Variants in MVB12B observed in about 807,000 individuals in gnomAD.
The protein encoded by MVB12B is ESCRT-I complex subunit MVB12B.
MVB12B carries 16 observed loss-of-function variants against 41.6 expected under a neutral mutation model. That is an observed-to-expected ratio of 0.38 (90% CI 0.26 to 0.58). The LOEUF is 0.58. Ranked by LOEUF, MVB12B falls within the 20% of genes least tolerant of loss-of-function variation. The probability of loss-of-function intolerance (pLI) is 0.62; values close to 1 mark genes in which losing one functional copy is unlikely to be tolerated. For missense variants in MVB12B, 274 were observed against 380.2 expected, an observed-to-expected ratio of 0.72 and a Z score of 2.32; for synonymous variants, 133 against 139.7, an observed-to-expected ratio of 0.95 and a Z score of 0.34.
At chr9:126,423,745 AG>A in intron 7 of MVB12B, among the ~76,000 whole-genome samples, 2 of 152,352 alleles carry the variant, frequency 1.3e-5, no homozygotes, top group Middle Eastern at 6.8e-3. Flanking sequence ...ACAACTGGGA[AG>A]GCTGCCCGCC....
chr9:126,421,303 C>T (rs1430616617), intron 6 of MVB12B, among the ~76,000 whole-genome samples: 1 of 152,220 alleles, frequency 6.6e-6, no homozygotes, highest in Non-Finnish European at 1.5e-5. Flanking sequence ...AACACACAGA[C>T]ATAGCAGTTG....
intron 8 of MVB12B, among the ~76,000 whole-genome samples, chr9:126,483,628 G>C (rs560494914): frequency 6.6e-6 from 1 of 152,158 alleles, no homozygotes; most frequent in Admixed American, 6.5e-5. Flanking sequence ...CCTTGCCTGC[G>C]TGTTCTGCTG....
At chr9:126,381,627 C>A (rs1044625722) in intron 3 of MVB12B, among the ~76,000 whole-genome samples, 1 of 151,560 alleles carries the variant, frequency 6.6e-6, no homozygotes, top group Non-Finnish European at 1.5e-5. Context: ...TATCACATTT[C>A]GTTATTTTTG....
chr9:126,442,049 A>G (rs975170385), intron 7 of MVB12B, among the ~76,000 whole-genome samples: 1 of 152,156 alleles, frequency 6.6e-6, no homozygotes, highest in African/African-American at 2.4e-5. Context: ...GCCCATAATC[A>G]TCTCCTTGAC....
At chr9:126,489,193 C>T (rs772867181) in intron 9 of MVB12B, among the ~76,000 whole-genome samples, 9 of 152,332 alleles carry the variant, frequency 5.9e-5, no homozygotes, top group Non-Finnish European at 1.2e-4. Context: ...TGCAGGGACC[C>T]TCATGGGCTG....
At chr9:126,396,622 C>CA in intron 6 of MVB12B, 1 of 985,486 alleles carries the variant, frequency 1.0e-6, no homozygotes, top group Non-Finnish European at 1.2e-6. Context: ...TCCTCTGTGC[C>CA]AAGCCTCCGT....
intron 7 of MVB12B, among the ~76,000 whole-genome samples, chr9:126,446,130 A>G (rs1588179229): frequency 6.6e-6 from 1 of 152,028 alleles, no homozygotes; most frequent in Admixed American, 6.5e-5. Context: ...CCCATTCTCT[A>G]TTCCTATTTT....
At chr9:126,371,367 G>T (rs962506875) in intron 2 of MVB12B, among the ~76,000 whole-genome samples, 10 of 152,256 alleles carry the variant, frequency 6.6e-5, no homozygotes, top group African/African-American at 2.2e-4. Flanking sequence ...CCCTGCCTAT[G>T]TGTATCTCCC....
intron 2 of MVB12B, among the ~76,000 whole-genome samples, chr9:126,356,861 C>T (rs1179195595): frequency 6.6e-6 from 1 of 152,052 alleles, no homozygotes; most frequent in South Asian, 2.1e-4. Context: ...CCCACTTCAC[C>T]TTCCTCCATG....
chr9:126,418,323 G>A (rs891158980), intron 6 of MVB12B, among the ~76,000 whole-genome samples: 6 of 152,120 alleles, frequency 3.9e-5, no homozygotes, highest in African/African-American at 1.2e-4. Flanking sequence ...CTGAAGAGCT[G>A]GGCCCCTTGA....
intron 1 of MVB12B, among the ~76,000 whole-genome samples, chr9:126,327,650 G>A (rs1023782358): frequency 6.6e-6 from 1 of 152,164 alleles, no homozygotes; most frequent in Non-Finnish European, 1.5e-5. Context: ...GCTGAGGCAT[G>A]GCACCAGGGG....
rs1830808430 is a variant in MVB12B at position 126,386,803 on chromosome 9, A to T, written c.409+145A>T. On this transcript the variant is annotated intron_variant, in intron 4 of 9. Transcript: ENST00000361171. The surrounding 1 kb of genome is among the most constrained non-coding windows in gnomAD (Gnocchi z 4.3). ...CCATGAACAAACCCTGCTGCTTTTG[A>T]TGTGTGTCTGGCTGGGTTCTCCAAG... The T allele has an allele frequency of 9.5e-6, 6 of 634,736 alleles. No individual in the cohort carries two copies. The highest frequency in any genetic ancestry group is 1.7e-5 in the Non-Finnish European group (6 of 356,478). The allele number at this position is 634,736 out of a possible 1,614,324, so 39.3% of individuals were successfully genotyped here.
chr9:126,372,090 G>A (rs1253422867), intron 2 of MVB12B, among the ~76,000 whole-genome samples: 1 of 152,162 alleles, frequency 6.6e-6, no homozygotes, highest in Admixed American at 6.5e-5. Context: ...TCTGTCTCTA[G>A]GGATTTCCCA....
intron 9 of MVB12B, among the ~76,000 whole-genome samples, chr9:126,502,946 C>T (rs549582561): frequency 6.6e-6 from 1 of 152,336 alleles, no homozygotes; most frequent in Non-Finnish European, 1.5e-5. Flanking sequence ...CCAGTCATCA[C>T]CACAGGAGCC....
chr9:126,401,532 T>C (rs1479993460), intron 6 of MVB12B, among the ~76,000 whole-genome samples: 1 of 152,264 alleles, frequency 6.6e-6, no homozygotes, highest in African/African-American at 2.4e-5. Context: ...GTCACAACTT[T>C]TGCATGTCGA....
At chr9:126,402,337 A>C (rs936418515) in intron 6 of MVB12B, among the ~76,000 whole-genome samples, 5 of 152,162 alleles carry the variant, frequency 3.3e-5, no homozygotes, top group Non-Finnish European at 5.9e-5. Context: ...TCCTGGTCCC[A>C]TCAAAAGAGG....
At position 126,480,236 on chromosome 9, in the gene MVB12B, C is replaced by T. The variant is rs1833499685; in HGVS notation, c.758-1133C>T. 1.3e-5 allele frequency among the ~76,000 whole-genome samples: 2 copies of T among 152,210 alleles called. No homozygotes were observed. The highest frequency in any genetic ancestry group is 2.9e-5 in the Non-Finnish European group (2 of 68,032). ...GCGTCCCTGCACTCATGACCAGGCC[C>T]CTAACAACTGCGGCTGCATGTTCCC... On this transcript the variant is annotated intron_variant, in intron 7 of 9. Coordinates refer to ENST00000361171, the MANE Select transcript of MVB12B (RefSeq NM_033446.3). The surrounding 1 kb of genome is among the most constrained non-coding windows in gnomAD (Gnocchi z 4.9).
chr9:126,444,623 G>A (rs1324631270), intron 7 of MVB12B, among the ~76,000 whole-genome samples: 1 of 151,958 alleles, frequency 6.6e-6, no homozygotes, highest in Non-Finnish European at 1.5e-5. Context: ...TTTCTGCTTT[G>A]TACTTTCATT....
At chr9:126,346,320 C>T (rs950675430) in intron 2 of MVB12B, among the ~76,000 whole-genome samples, 3 of 151,896 alleles carry the variant, frequency 2.0e-5, no homozygotes, top group Non-Finnish European at 2.9e-5. Flanking sequence ...GAGCGTGGGA[C>T]GTGGGAACCC....
Sources: allele counts gnomAD v4.1 joint callset (sites outside exome capture counted in the v4.1 genomes callset), GRCh38; gene constraint gnomAD v4.1.1; non-coding constraint Gnocchi (gnomAD v3.1); transcripts MANE v1.5; gene names NCBI Gene and HGNC (gene_info 2026-07-23, HGNC 2026-07-21).